IPO5: variants seen among roughly 807,000 people sequenced by gnomAD.
The protein encoded by IPO5 is importin 5.
Under a neutral mutation model 143.3 loss-of-function variants are expected in IPO5, and 18 were observed. That is an observed-to-expected ratio of 0.13 (90% CI 0.09 to 0.19). IPO5 has a LOEUF of 0.19. Ranked by LOEUF, IPO5 falls within the 10% of genes least tolerant of loss-of-function variation. The pLI, the probability that IPO5 is intolerant of heterozygous loss-of-function variation, is 1.00. For synonymous variants in IPO5, 477 were observed against 465.7 expected (o/e 1.02, Z -0.31); for missense variants, 1,013 against 1,336.9 (o/e 0.76, Z 3.78).
At chr13:98,005,670 C>T (rs909637562) in intron 16 of IPO5, among the ~76,000 whole-genome samples, 2 of 151,994 alleles carry the variant, frequency 1.3e-5, no homozygotes, top group Admixed American at 1.3e-4. Flanking sequence ...AGCAGGGTTC[C>T]TTCGTGCGAT....
rs1437805996 is a variant in IPO5, at chr13:98,010,217, A to G, written c.2048A>G (p.Gln683Arg). The change falls in exon 20 of 29, where the codon CAG (glutamine) becomes CGG (arginine). Residue 683 changes from glutamine to arginine, a missense_variant. Coordinates refer to ENST00000651721, the MANE Select transcript of IPO5 (RefSeq NM_002271.6). ...CTAGAAGAAAAATCAACTGCTTGCC[A>G]GATGTTGGTAAGAGAGCACTGTTTT... is the stretch of plus-strand genomic sequence containing the variant. ...AGLEEKSTAC[Q>R]MLVCYAKELK... 3.1e-6 allele frequency: 5 copies of G among 1,613,842 alleles called. No individual in the cohort carries two copies. Among genetic ancestry groups the G allele is most frequent in the Non-Finnish European group, 4.2e-6 (5 of 1,179,890 alleles).
chr13:97,991,782 G>A (rs1212084531), intron 9 of IPO5, among the ~76,000 whole-genome samples: 4 of 152,310 alleles, frequency 2.6e-5, no homozygotes, highest in East Asian at 3.9e-4. Context: ...TAATTTGTGA[G>A]TTAGTTTCTA....
chr13:97,995,525 G>A (rs1389268164), intron 11 of IPO5, among the ~76,000 whole-genome samples: 2 of 152,066 alleles, frequency 1.3e-5, no homozygotes, highest in African/African-American at 4.8e-5. Flanking sequence ...GGAGGCCGAG[G>A]CAGGTGGATC....
At chr13:97,987,801 C>T (rs1471787185) in intron 6 of IPO5, among the ~76,000 whole-genome samples, 1 of 152,154 alleles carries the variant, frequency 6.6e-6, no homozygotes, top group Non-Finnish European at 1.5e-5. Context: ...CAGCGCCCAG[C>T]CCTAATTTTG....
Position 97,990,493 on chromosome 13 carries a change from G to T in IPO5, c.625G>T (p.Ala209Ser), listed in dbSNP as rs756384236. 3.7e-6 allele frequency: 6 copies of T among 1,606,570 alleles called. No individual in the cohort carries two copies. Among genetic ancestry groups the T allele is most frequent in the Non-Finnish European group, 4.2e-6 (5 of 1,178,308 alleles). The part of the protein sequence containing the change: ...AFILANEHNV[A>S]LFKHFADLLP... ...TATACTTGCAAATGAGCATAATGTT[G>T]CTCTGTTCAAACATTTTGCAGACTT... The change falls in exon 9 of 29, where the codon GCT becomes TCT. Residue 209 changes from alanine to serine, a missense_variant. Transcript: ENST00000651721.
intron 2 of IPO5, among the ~76,000 whole-genome samples, chr13:97,957,933 C>T: frequency 6.6e-6 from 1 of 151,732 alleles, no homozygotes; most frequent in East Asian, 1.9e-4. Flanking sequence ...TGCAGTGAGC[C>T]GAGATCGCAC....
chr13:97,976,826 G>T, intron 4 of IPO5, 40 bp downstream of exon 4: 2 of 961,642 alleles, frequency 2.1e-6, no homozygotes, highest in Non-Finnish European at 2.9e-6. Context: ...GCCCTGGCCG[G>T]CGCGCCGACC....
intron 3 of IPO5, 79 bp from the exon 4 acceptor site, chr13:97,976,614 C>A: frequency 2.3e-6 from 1 of 436,200 alleles, no homozygotes; most frequent in Non-Finnish European, 3.4e-6. Context: ...CCGCGCTGGG[C>A]CCGCCCCCGC....
At position 98,016,848 on chromosome 13, in the gene IPO5, C is replaced by T; in HGVS notation, c.2613C>T (p.Leu871=). 1.9e-6 allele frequency: 3 copies of T among 1,546,792 alleles called. No homozygotes were observed. The part of the protein sequence containing the change: ...FEQLLPLIVN[L]ICPHRPWPDR... ...AGCTGCTTCCATTAATTGTCAACCT[C>T]ATTGTAAGTGTTACCTCTCTTAATA... The change falls in exon 25 of 29, where the codon CTC becomes CTT. Residue 871 remains leucine, a synonymous_variant. Transcript: ENST00000651721.
At chr13:97,954,633 A>C (rs1392388011) in intron 2 of IPO5, among the ~76,000 whole-genome samples, 2 of 152,214 alleles carry the variant, frequency 1.3e-5, no homozygotes, top group African/African-American at 4.8e-5. Flanking sequence ...TAGTCAAAAG[A>C]TTACTTACTT....
Position 97,993,245 on chromosome 13 carries a change from A to G in IPO5, c.913+20A>G, listed in dbSNP as rs778608122. 4.3e-6 allele frequency: 7 copies of G among 1,611,022 alleles called. No homozygotes were observed. The South Asian group carries it at 5.5e-5, about 13-fold the overall frequency. ...AGACTAGTAAGTCAATGGTCTTCAG[A>G]TAGTTTATGTGTATTGTGGCCAAAT... On this transcript the variant is annotated intron_variant, in intron 11 of 28. Transcript: ENST00000651721.
At chr13:97,985,908 A>T (rs182275237) in intron 6 of IPO5, among the ~76,000 whole-genome samples, 1 of 152,228 alleles carries the variant, frequency 6.6e-6, no homozygotes, top group East Asian at 1.9e-4. Flanking sequence ...ACATCGCTTG[A>T]GTCTAGCAGT....
chr13:98,018,680 G>A lies in IPO5; in HGVS notation c.2812G>A (p.Asp938Asn). ...GLGVMAQYGG[D>N]NYRPFCTEAL... ...GGGAGTCATGGCACAGTACGGTGGA[G>A]ATAATTATCGCCCTTTTTGTACAGG... is the stretch of plus-strand genomic sequence containing the variant. The change falls in exon 26 of 29, where the codon GAT becomes AAT. Residue 938 changes from aspartate (D) to asparagine (N), a missense_variant. Coordinates refer to ENST00000651721, the MANE Select transcript of IPO5 (RefSeq NM_002271.6). 1.2e-6 allele frequency: 2 copies of A among 1,613,806 alleles called. No homozygotes were observed. The highest frequency in any genetic ancestry group is 1.3e-5 in the African/African-American group (1 of 75,038).
intron 5 of IPO5, among the ~76,000 whole-genome samples, chr13:97,984,779 G>A (rs1236715379): frequency 1.3e-5 from 2 of 151,968 alleles, no homozygotes; most frequent in Non-Finnish European, 1.5e-5. Context: ...TAGCTTATTG[G>A]CTTGATTTGA....
chr13:97,984,300 A>G (rs989827142), intron 5 of IPO5, among the ~76,000 whole-genome samples: 3 of 152,168 alleles, frequency 2.0e-5, no homozygotes, highest in Non-Finnish European at 2.9e-5. Flanking sequence ...TATCACTAAA[A>G]ACAGATGACT....
chr13:97,963,589 C>T (rs1594013109), intron 2 of IPO5, among the ~76,000 whole-genome samples: 1 of 151,962 alleles, frequency 6.6e-6, no homozygotes, highest in Non-Finnish European at 1.5e-5. Context: ...AGGATGGTCT[C>T]GATCTTCTGA....
chr13:98,008,480 C>G (rs1175958553), intron 18 of IPO5, among the ~76,000 whole-genome samples: 4 of 152,148 alleles, frequency 2.6e-5, no homozygotes, highest in Non-Finnish European at 4.4e-5. Context: ...ATTGAAGATT[C>G]ATTTATCCAA....
chr13:98,009,414 T>C (rs1422445818), intron 18 of IPO5, among the ~76,000 whole-genome samples: 1 of 152,174 alleles, frequency 6.6e-6, no homozygotes, highest in African/African-American at 2.4e-5. Context: ...TTATAACAGC[T>C]AAGAGAAAAG....
At chr13:97,982,636 TG>T in intron 5 of IPO5, 53 bp downstream of exon 5, 1 of 1,114,208 alleles carries the variant, frequency 9.0e-7, no homozygotes, top group East Asian at 2.4e-5. Flanking sequence ...AGTTATTAGA[TG>T]ATGATCATAG....
Sources: allele counts gnomAD v4.1 joint callset (sites outside exome capture counted in the v4.1 genomes callset), GRCh38; gene constraint gnomAD v4.1.1; transcripts MANE v1.5; gene names NCBI Gene and HGNC (gene_info 2026-07-23, HGNC 2026-07-21).